NEGR1: variants seen among roughly 807,000 people sequenced by gnomAD.
NEGR1 encodes IgLON family member 4.
A neutral mutation model predicts 40.9 loss-of-function variants in NEGR1; 10 were observed. The observed-to-expected ratio is 0.24, with a 90% CI of 0.15 to 0.42. The LOEUF is 0.42. Among genes scored for constraint, NEGR1 ranks in the 10% least tolerant of loss-of-function variants. The probability of loss-of-function intolerance (pLI) is 1.00; values close to 1 mark genes in which losing one functional copy is unlikely to be tolerated. For missense variants in NEGR1, 352 were observed against 438.9 expected (o/e 0.80, Z 1.77); for synonymous variants, 185 against 166.8 (o/e 1.11, Z -0.84).
chr1:72,277,657 C>G (rs1656105098), intron 1 of NEGR1, among the ~76,000 whole-genome samples: 1 of 152,072 alleles, frequency 6.6e-6, no homozygotes, highest in South Asian at 2.1e-4. Context: ...ATTGACCATT[C>G]TGATAATTCA....
chr1:72,238,617 G>A (rs563995543), intron 1 of NEGR1, among the ~76,000 whole-genome samples: 2 of 151,904 alleles, frequency 1.3e-5, no homozygotes, highest in East Asian at 3.9e-4. Flanking sequence ...CTTCAACCTG[G>A]CACTGGAAAT....
chr1:72,282,309 T>C lies in NEGR1; in HGVS notation c.176+10A>G, dbSNP rs1053524919. 6.2e-7 allele frequency: 1 copy of C among 1,613,470 alleles called. No individual in the cohort carries two copies. Among genetic ancestry groups the C allele is most frequent in the Non-Finnish European group, 8.5e-7 (1 of 1,179,546 alleles). On this transcript the variant is annotated intron_variant, in intron 1 of 6. Transcript: ENST00000357731. Reference sequence around the variant, plus strand: ...CGAAACAAGTACGAAAAGCACGCCGTTCTTCCTACCTAAGCACCGCCGTGT... The same window carrying C: ...CGAAACAAGTACGAAAAGCACGCCGCTCTTCCTACCTAAGCACCGCCGTGT...
chr1:72,076,890 CTTTTT>C (rs56943357), intron 1 of NEGR1, among the ~76,000 whole-genome samples: 1 of 101,688 alleles, frequency 9.8e-6, no homozygotes, highest in South Asian at 3.5e-4. Context: ...CTCATTTATC[CTTTTT>C]TTTTTTTTTT....
At chr1:72,254,428 C>A (rs1013360136) in intron 1 of NEGR1, among the ~76,000 whole-genome samples, 1 of 152,046 alleles carries the variant, frequency 6.6e-6, no homozygotes, top group Non-Finnish European at 1.5e-5. Context: ...TTAGGCCAGG[C>A]GTGGTGGCTC....
intron 3 of NEGR1, among the ~76,000 whole-genome samples, chr1:71,751,112 T>C (rs978617568): frequency 1.3e-4 from 19 of 151,990 alleles, no homozygotes; most frequent in Admixed American, 1.2e-3. Flanking sequence ...CTTTAGCCTG[T>C]ATCCCTTTTT....
intron 1 of NEGR1, among the ~76,000 whole-genome samples, chr1:72,054,331 A>T (rs1304403107): frequency 6.6e-6 from 1 of 151,186 alleles, no homozygotes; most frequent in East Asian, 1.9e-4. Flanking sequence ...AGCATTTTCC[A>T]TCTGTCTTTG....
At chr1:71,942,428 T>C (rs921093247) in intron 1 of NEGR1, among the ~76,000 whole-genome samples, 5 of 122,618 alleles carry the variant, frequency 4.1e-5, no homozygotes, top group South Asian at 5.9e-4. Flanking sequence ...AGTTTTACTT[T>C]AATGCACAAC....
intron 6 of NEGR1, among the ~76,000 whole-genome samples, chr1:71,493,251 C>T (rs1317037735): frequency 3.3e-5 from 5 of 151,996 alleles, no homozygotes; most frequent in African/African-American, 7.2e-5. Flanking sequence ...AAAGACCCAC[C>T]GAATTCTAAA....
At chr1:72,265,664 T>C (rs548283987) in intron 1 of NEGR1, among the ~76,000 whole-genome samples, 36 of 151,160 alleles carry the variant, frequency 2.4e-4, no homozygotes, top group South Asian at 1.5e-3. Context: ...CTTAAATCTC[T>C]AAGGCATGCA....
chr1:71,630,157 A>G (rs1380415233), intron 4 of NEGR1, among the ~76,000 whole-genome samples: 1 of 152,008 alleles, frequency 6.6e-6, no homozygotes, highest in African/African-American at 2.4e-5. Context: ...TGGACTAAAA[A>G]TCTTTGTTAT....
intron 6 of NEGR1, among the ~76,000 whole-genome samples, chr1:71,461,307 A>G (rs1032614652): frequency 6.6e-6 from 1 of 152,196 alleles, no homozygotes; most frequent in Non-Finnish European, 1.5e-5. Context: ...ATCCTAATGC[A>G]TACTTTTTAT....
intron 2 of NEGR1, among the ~76,000 whole-genome samples, chr1:71,816,180 T>C (rs1420910550): frequency 2.0e-5 from 3 of 152,094 alleles, no homozygotes; most frequent in Non-Finnish European, 4.4e-5. Flanking sequence ...CAAAGAGAAC[T>C]CAATATGTGA....
intron 1 of NEGR1, among the ~76,000 whole-genome samples, chr1:72,233,225 T>C (rs1654434171): frequency 6.6e-6 from 1 of 152,152 alleles, no homozygotes; most frequent in South Asian, 2.1e-4. Context: ...TAAGACAGTC[T>C]TGAGTAGGGA....
intron 1 of NEGR1, among the ~76,000 whole-genome samples, chr1:72,119,900 A>C (rs999652892): frequency 6.6e-6 from 1 of 151,986 alleles, no homozygotes; most frequent in Non-Finnish European, 1.5e-5. Context: ...ACATCTTCTG[A>C]AATGTCTGGT....
chr1:71,659,719 G>A (rs1651993894), intron 4 of NEGR1, among the ~76,000 whole-genome samples: 2 of 152,080 alleles, frequency 1.3e-5, no homozygotes, highest in South Asian at 2.1e-4. Context: ...ACAAGCATAT[G>A]GAAAAAAGCT....
chr1:71,935,092 A>G lies in NEGR1; in HGVS notation c.396T>C (p.His132=), dbSNP rs751385087. 1 of 1,602,622 alleles carries G rather than the reference A, an allele frequency of 6.2e-7. No homozygotes were observed. Among genetic ancestry groups the G allele is most frequent in the Non-Finnish European group, 8.5e-7 (1 of 1,169,600 alleles). The change falls in exon 2 of 7, where the codon CAT becomes CAC. Residue 132 remains histidine (H), a synonymous_variant. Coordinates refer to ENST00000357731, the MANE Select transcript of NEGR1 (RefSeq NM_173808.3). ...TQHTPRTMQV[H]LTVQVPPKIY... ...GAAAATACATACCTTGCACAGTTAG[A>G]TGCACCTGCATTGTTCTGGGTGTAT...
chr1:72,197,564 A>G (rs1050017140), intron 1 of NEGR1, among the ~76,000 whole-genome samples: 1 of 152,080 alleles, frequency 6.6e-6, no homozygotes, highest in Non-Finnish European at 1.5e-5. Flanking sequence ...TTGATTAACA[A>G]CATAGAATTA....
chr1:71,648,185 T>G (rs1286295706), intron 4 of NEGR1, among the ~76,000 whole-genome samples: 1 of 152,008 alleles, frequency 6.6e-6, no homozygotes, highest in African/African-American at 2.4e-5. Context: ...GAAACAATTT[T>G]GCTCAGAAAA....
At chr1:72,136,645 CA>C (rs67974884) in intron 1 of NEGR1, among the ~76,000 whole-genome samples, 137,856 of 139,070 alleles carry the variant, frequency 0.99, 68,340 homozygotes, top group Middle Eastern at 1. Flanking sequence ...TCAATTTGTC[CA>C]AAAAAAAAGG....
Sources: gnomAD v4.1 joint callset for allele counts (sites outside exome capture counted in the v4.1 genomes callset) on GRCh38, gnomAD v4.1.1 for gene constraint, MANE v1.5 for transcripts, NCBI Gene and HGNC (gene_info 2026-07-23, HGNC 2026-07-21) for gene names.